Variants in SNX29 observed in about 807,000 individuals in gnomAD.
SNX29 encodes the protein sorting nexin-29.
A neutral mutation model predicts 102.1 loss-of-function variants in SNX29; 78 were observed. That is an observed-to-expected ratio of 0.76 (90% CI 0.64 to 0.92). The LOEUF is 0.92. Ranked by LOEUF, SNX29 falls within the 40% of genes least tolerant of loss-of-function variation. The pLI, the probability that SNX29 is intolerant of heterozygous loss-of-function variation, is 0.00. For missense variants in SNX29, 1,280 were observed against 1,061.7 expected, an observed-to-expected ratio of 1.21 and a Z score of -2.86; for synonymous variants, 580 against 414.5, an observed-to-expected ratio of 1.40 and a Z score of -4.85.
chr16:12,455,426 G>T (rs1038285417), intron 18 of SNX29, among the ~76,000 whole-genome samples: 1 of 152,166 alleles, frequency 6.6e-6, no homozygotes, highest in Non-Finnish European at 1.5e-5. Context: ...CGCCGTGGCT[G>T]TAACTGACCT....
chr16:12,539,440 C>G (rs953500471), intron 20 of SNX29, among the ~76,000 whole-genome samples: 6 of 152,168 alleles, frequency 3.9e-5, no homozygotes, highest in Non-Finnish European at 8.8e-5. Context: ...GTTTTTATTA[C>G]TGAGCAGAGT....
chr16:12,379,935 A>C (rs1457346218), intron 16 of SNX29, among the ~76,000 whole-genome samples: 1 of 152,022 alleles, frequency 6.6e-6, no homozygotes, highest in Non-Finnish European at 1.5e-5. Context: ...ATATTTCTGG[A>C]AGGTACTTTT....
At chr16:12,205,394 C>T (rs141782554) in intron 14 of SNX29, among the ~76,000 whole-genome samples, 1 of 152,174 alleles carries the variant, frequency 6.6e-6, no homozygotes, top group South Asian at 2.1e-4. Context: ...CTGCTGTTTA[C>T]CGTTCATGGT....
intron 15 of SNX29, among the ~76,000 whole-genome samples, chr16:12,311,514 A>G (rs114887584): frequency 8.5e-5 from 13 of 152,230 alleles, no homozygotes; most frequent in African/African-American, 3.1e-4. Context: ...CCTCCAGGAG[A>G]TGCAGGGCGG....
intron 15 of SNX29, among the ~76,000 whole-genome samples, chr16:12,346,501 A>G (rs556353926): frequency 6.6e-6 from 1 of 152,274 alleles, no homozygotes; most frequent in East Asian, 1.9e-4. Context: ...GGAGTCAGGA[A>G]TGGTGGGTTT....
At chr16:12,535,466 G>A (rs1333661997) in intron 20 of SNX29, among the ~76,000 whole-genome samples, 1 of 152,158 alleles carries the variant, frequency 6.6e-6, no homozygotes, top group East Asian at 1.9e-4. Context: ...TTTCTTTGAG[G>A]TTAGTGTTAC....
At chr16:12,530,553 TG>T (rs1344204046) in intron 20 of SNX29, among the ~76,000 whole-genome samples, 1 of 151,270 alleles carries the variant, frequency 6.6e-6, no homozygotes, top group African/African-American at 2.4e-5. Context: ...TTTTTTTTTT[TG>T]TTTTTTGTTT....
intron 20 of SNX29, among the ~76,000 whole-genome samples, chr16:12,554,733 T>A (rs974530245): frequency 6.6e-6 from 1 of 152,170 alleles, no homozygotes; most frequent in Non-Finnish European, 1.5e-5. Flanking sequence ...GTCTTTCAGT[T>A]TGCATTTTCC....
chr16:12,556,678 C>T (rs1009933937), intron 20 of SNX29: 3 of 152,122 alleles, frequency 2.0e-5, no homozygotes, highest in Non-Finnish European at 4.4e-5. Flanking sequence ...AAGCAGTAGT[C>T]ATGTGTCTGG....
Position 12,096,734 on chromosome 16 carries a change from C to G in SNX29, c.1402+17819C>G, listed in dbSNP as rs141910001. 2.0e-5 allele frequency among the ~76,000 whole-genome samples: 3 copies of G among 152,194 alleles called. No homozygotes were observed. Among genetic ancestry groups the G allele is most frequent in the Non-Finnish European group, 4.4e-5 (3 of 68,040 alleles). ...GATCCACCCATGGGAACGAGTTCCC[C>G]GTGAAGTGGGAAATTCCTAATGGAA... On this transcript the variant is annotated intron_variant, in intron 11 of 20. Transcript: ENST00000566228. The surrounding 1 kb of genome is among the most constrained non-coding windows in gnomAD (Gnocchi z 4.2).
intron 4 of SNX29, among the ~76,000 whole-genome samples, chr16:12,038,483 C>G (rs995606807): frequency 5.3e-5 from 8 of 152,306 alleles, no homozygotes; most frequent in African/African-American, 1.9e-4. Context: ...GAAGCCCTTG[C>G]CCGCTTTTTG....
intron 20 of SNX29, among the ~76,000 whole-genome samples, chr16:12,549,701 C>A (rs1225315795): frequency 2.6e-5 from 4 of 152,336 alleles, no homozygotes; most frequent in Admixed American, 2.6e-4. Flanking sequence ...GCAGATGCTG[C>A]TTGGGGCCAG....
intron 18 of SNX29, among the ~76,000 whole-genome samples, chr16:12,406,224 T>C (rs2084160427): frequency 6.6e-6 from 1 of 152,222 alleles, no homozygotes; most frequent in Admixed American, 6.5e-5. Context: ...ACAGTTGCAC[T>C]CATTGATTTA....
rs143445846 is a variant in SNX29, at chr16:12,429,294, A to G, written c.2037+25765A>G. On this transcript the variant is annotated intron_variant, in intron 18 of 20. Coordinates refer to ENST00000566228, the MANE Select transcript of SNX29 (RefSeq NM_032167.5). Reference sequence around the variant, plus strand: ...GTCCCACCACACAGACACAACTGAAATTAATATCTCCTTGTAGTTAATCCC... The same window carrying G: ...GTCCCACCACACAGACACAACTGAAGTTAATATCTCCTTGTAGTTAATCCC... Among the ~76,000 whole-genome samples the G allele has an allele frequency of 1.0e-4, 16 of 152,382 alleles. No homozygotes were observed. The East Asian group carries it at 2.3e-3, about 22-fold the overall frequency.
At chr16:11,992,897 C>G (rs1174197583) in intron 1 of SNX29, among the ~76,000 whole-genome samples, 1 of 152,158 alleles carries the variant, frequency 6.6e-6, no homozygotes, top group African/African-American at 2.4e-5. Context: ...CGTGGGGGCT[C>G]ACGCCTGCAA....
intron 13 of SNX29, among the ~76,000 whole-genome samples, chr16:12,143,288 C>T (rs1039500306): frequency 2.6e-5 from 4 of 152,176 alleles, no homozygotes; most frequent in Non-Finnish European, 4.4e-5. Context: ...TGAGCCACTG[C>T]GCCTGGCCGG....
intron 14 of SNX29, among the ~76,000 whole-genome samples, chr16:12,235,585 C>G (rs568941310): frequency 2.0e-5 from 3 of 152,002 alleles, no homozygotes; most frequent in Admixed American, 1.3e-4. Context: ...TTTCACCTGC[C>G]TAACATTGGC....
At chr16:12,563,610 C>G (rs1265942126) in intron 20 of SNX29, among the ~76,000 whole-genome samples, 1 of 139,372 alleles carries the variant, frequency 7.2e-6, no homozygotes, top group East Asian at 2.4e-4. Flanking sequence ...ATCACCACAT[C>G]TCACAGACGA....
intron 20 of SNX29, among the ~76,000 whole-genome samples, chr16:12,562,042 AATC>A (rs1435932633): frequency 2.0e-5 from 3 of 151,706 alleles, no homozygotes; most frequent in Non-Finnish European, 2.9e-5. Flanking sequence ...TTAGGGATGG[AATC>A]ATCTGTGCCG....
Sources: allele counts gnomAD v4.1 joint callset (sites outside exome capture counted in the v4.1 genomes callset), GRCh38; gene constraint gnomAD v4.1.1; non-coding constraint Gnocchi (gnomAD v3.1); transcripts MANE v1.5; gene names NCBI Gene and HGNC (gene_info 2026-07-23, HGNC 2026-07-21).